The following MPPED1 variants were observed in gnomAD, a reference collection of about 807,000 sequenced individuals.
The protein encoded by MPPED1 is metallophosphoesterase domain containing 1.
In MPPED1, 16 loss-of-function variants were observed where a neutral mutation model predicts 36.2. The ratio of observed to expected loss-of-function variants is 0.44; its 90% CI spans 0.30 to 0.67. The LOEUF is 0.67. Ranked by LOEUF, MPPED1 falls within the 30% of genes least tolerant of loss-of-function variation. MPPED1 has a pLI of 0.10. For synonymous variants in MPPED1, 199 were observed against 191.3 expected (o/e 1.04, Z -0.33); for missense variants, 307 against 453.4 (o/e 0.68, Z 2.93).
At chr22:43,462,837 T>G (rs150317426) in intron 3 of MPPED1, among the ~76,000 whole-genome samples, 1 of 152,306 alleles carries the variant, frequency 6.6e-6, no homozygotes, top group Non-Finnish European at 1.5e-5. Context: ...TCACCTTTCT[T>G]CTGTCTTGTA....
intron 3 of MPPED1, among the ~76,000 whole-genome samples, chr22:43,462,601 TTTTG>T (rs554396564): frequency 5.6e-4 from 86 of 152,348 alleles, no homozygotes; most frequent in African/African-American, 2.0e-3. Flanking sequence ...TAGTTAATTA[TTTTG>T]TTTGTTTGCT....
chr22:43,470,965 T>A (rs1190943517), intron 3 of MPPED1, among the ~76,000 whole-genome samples: 1 of 152,200 alleles, frequency 6.6e-6, no homozygotes, highest in Non-Finnish European at 1.5e-5. Context: ...CCCCAGCAGG[T>A]GGTGGCTCCT....
At chr22:43,488,738 TA>T (rs1931992824) in intron 4 of MPPED1, among the ~76,000 whole-genome samples, 1 of 152,254 alleles carries the variant, frequency 6.6e-6, no homozygotes, top group Non-Finnish European at 1.5e-5. Context: ...TATCATTCTG[TA>T]AGAAAATTAT....
intron 3 of MPPED1, among the ~76,000 whole-genome samples, chr22:43,452,535 A>G (rs1930607744): frequency 6.6e-6 from 1 of 152,214 alleles, no homozygotes; most frequent in Non-Finnish European, 1.5e-5. Context: ...GGGAATGGGG[A>G]AATGAATAAA....
chr22:43,444,980 G>A (rs781778177), intron 3 of MPPED1, among the ~76,000 whole-genome samples: 1 of 152,174 alleles, frequency 6.6e-6, no homozygotes, highest in Non-Finnish European at 1.5e-5. Context: ...CAGACGGAGG[G>A]CCTAGAATTC....
intron 4 of MPPED1, among the ~76,000 whole-genome samples, chr22:43,495,083 T>C (rs944793552): frequency 6.6e-6 from 1 of 152,040 alleles, no homozygotes; most frequent in Non-Finnish European, 1.5e-5. Flanking sequence ...TGCAAACATT[T>C]AGATCATAGC....
intron 3 of MPPED1, among the ~76,000 whole-genome samples, chr22:43,445,245 A>C (rs1174776194): frequency 6.6e-6 from 1 of 152,176 alleles, no homozygotes; most frequent in Non-Finnish European, 1.5e-5. Context: ...ATAACAACAA[A>C]TATTTATTTA....
intron 3 of MPPED1, among the ~76,000 whole-genome samples, chr22:43,447,092 G>A (rs886219144): frequency 1.3e-5 from 2 of 152,108 alleles, no homozygotes; most frequent in Non-Finnish European, 2.9e-5. Flanking sequence ...GTGGTTCTGC[G>A]GATGAGAGAG....
At chr22:43,456,989 C>G (rs1569076123) in intron 3 of MPPED1, among the ~76,000 whole-genome samples, 1 of 152,150 alleles carries the variant, frequency 6.6e-6, no homozygotes, top group Non-Finnish European at 1.5e-5. Context: ...TATATGGTGT[C>G]TAATCCTTTG....
rs199789746 is a variant in MPPED1 at position 43,438,811 on chromosome 22, G to A, written c.406+3596G>A. On this transcript the variant is annotated intron_variant, in intron 3 of 6. Transcript: ENST00000443721. ...GCTGGGCCTTGGGTCAATCCTGGCC[G>A]CTCAAGGGCCTCCATGAGCCCCTTC... is the stretch of plus-strand genomic sequence containing the variant. Among the ~76,000 whole-genome samples, 54 of 152,254 alleles carry A rather than the reference G, an allele frequency of 3.5e-4. 1 individual carries two copies. The East Asian group carries it at 8.1e-3, about 23-fold the overall frequency.
chr22:43,447,878 T>TA (rs1569073362), intron 3 of MPPED1, among the ~76,000 whole-genome samples: 1 of 33,184 alleles, frequency 3.0e-5, no homozygotes, highest in Non-Finnish European at 5.0e-5. Flanking sequence ...TATATATATA[T>TA]ATATATTTTT....
At chr22:43,412,448 C>A (rs894466289) in intron 1 of MPPED1, among the ~76,000 whole-genome samples, 1 of 152,090 alleles carries the variant, frequency 6.6e-6, no homozygotes, top group African/African-American at 2.4e-5. Context: ...CTGCTGCTGG[C>A]GGAGTAGCTG....
intron 3 of MPPED1, among the ~76,000 whole-genome samples, chr22:43,443,270 G>A (rs1307434542): frequency 2.6e-5 from 4 of 152,160 alleles, no homozygotes; most frequent in Admixed American, 2.0e-4. Flanking sequence ...CAGCTGGGAC[G>A]AGGGCATGGA....
chr22:43,449,575 C>T (rs1930490705), intron 3 of MPPED1, among the ~76,000 whole-genome samples: 1 of 152,108 alleles, frequency 6.6e-6, no homozygotes, highest in Non-Finnish European at 1.5e-5. Context: ...CCGCCTGCCT[C>T]GATCCCCTGC....
chr22:43,493,946 G>A (rs564393283), intron 4 of MPPED1, among the ~76,000 whole-genome samples: 16 of 152,266 alleles, frequency 1.1e-4, no homozygotes, highest in African/African-American at 3.4e-4. Context: ...CTCTCTCACG[G>A]TTCTGGAGGC....
chr22:43,496,301 GAGGTAGTGGTGGCGGAGATGGTGGTGA>G (rs1932351941), intron 4 of MPPED1, among the ~76,000 whole-genome samples: 1 of 55,020 alleles, frequency 1.8e-5, no homozygotes, highest in Non-Finnish European at 3.0e-5. Context: ...GGTGGTGGTG[GAGGTAGTGGTGGCGGAGATGGTGGTGA>G]TGGAGGTGGT....
At chr22:43,464,132 C>T (rs1010906764) in intron 3 of MPPED1, among the ~76,000 whole-genome samples, 1 of 151,916 alleles carries the variant, frequency 6.6e-6, no homozygotes, top group Non-Finnish European at 1.5e-5. Context: ...TGGTCTTGAA[C>T]TCCTGACCTC....
At position 43,505,683 on chromosome 22, in the gene MPPED1, C is replaced by T; in HGVS notation, c.*67C>T. On this transcript the variant is annotated 3_prime_UTR_variant, in exon 7 of 7. Coordinates refer to ENST00000443721, the MANE Select transcript of MPPED1 (RefSeq NM_001044370.2). ...CACAGGCCTGGCCCGGCCACTGTTCCTTCCATGCTGAGTTGCCTGGACGAC... is the reference window on the plus strand; with the variant it reads ...CACAGGCCTGGCCCGGCCACTGTTCTTTCCATGCTGAGTTGCCTGGACGAC... 2 of 1,434,976 alleles carry T rather than the reference C, an allele frequency of 1.4e-6. No homozygotes were observed. The highest frequency in any genetic ancestry group is 1.9e-6 in the Non-Finnish European group (2 of 1,044,272). 88.9% of individuals were successfully genotyped at this position (1,434,976 alleles called of 1,614,324 possible).
Position 43,464,818 on chromosome 22 carries a change from C to G in MPPED1, c.407-9918C>G, listed in dbSNP as rs533842648. ...TCTTTGCTCAGCTAAGCCAGTCTAC[C>G]CATCCATCTCTTTCCAGCTTCCAAA... On this transcript the variant is annotated intron_variant, in intron 3 of 6. Coordinates refer to ENST00000443721, the MANE Select transcript of MPPED1 (RefSeq NM_001044370.2). Among the ~76,000 whole-genome samples, 18 of 152,336 alleles carry G rather than the reference C, an allele frequency of 1.2e-4. No individual in the cohort carries two copies. In the East Asian group the frequency reaches 3.3e-3, roughly 28 times the overall value.
Sources: allele counts gnomAD v4.1 joint callset (sites outside exome capture counted in the v4.1 genomes callset), GRCh38; gene constraint gnomAD v4.1.1; transcripts MANE v1.5; gene names NCBI Gene and HGNC (gene_info 2026-07-23, HGNC 2026-07-21).